The following LRFN5 variants were observed in gnomAD, a reference collection of about 807,000 sequenced individuals.
The protein encoded by LRFN5 is leucine rich repeat and fibronectin type III domain containing 5.
LRFN5 carries 24 observed loss-of-function variants against 45.6 expected under a neutral mutation model. The ratio of observed to expected loss-of-function variants is 0.53; its 90% CI spans 0.38 to 0.74. The LOEUF is 0.74. LRFN5 is among the 30% of genes least tolerant of loss of function. The pLI, the probability that LRFN5 is intolerant of heterozygous loss-of-function variation, is 0.00. For synonymous variants in LRFN5, 340 were observed against 313.8 expected (o/e 1.08, Z -0.88); for missense variants, 776 against 861.5 (o/e 0.90, Z 1.24).
chr14:41,766,726 A>T (rs1367573033), intron 1 of LRFN5, 128 bp from the exon 2 acceptor site: 1 of 152,244 alleles, frequency 6.6e-6, no homozygotes, highest in Non-Finnish European at 1.5e-5. Flanking sequence ...AATATATTTA[A>T]ATCATATTGC....
chr14:41,841,086 A>C (rs1272018302), intron 2 of LRFN5, among the ~76,000 whole-genome samples: 3 of 151,882 alleles, frequency 2.0e-5, no homozygotes, highest in East Asian at 1.9e-4. Context: ...GGAAAAAAAA[A>C]ACCACTTTTC....
intron 1 of LRFN5, among the ~76,000 whole-genome samples, chr14:41,702,959 C>G (rs1432939809): frequency 2.0e-5 from 3 of 152,046 alleles, no homozygotes; most frequent in Non-Finnish European, 2.9e-5. Flanking sequence ...CTTTTAAAAC[C>G]ATGGCACCCC....
chr14:41,690,244 AG>A (rs556413422), intron 1 of LRFN5, among the ~76,000 whole-genome samples: 86 of 152,260 alleles, frequency 5.6e-4, no homozygotes, highest in African/African-American at 1.5e-3. Flanking sequence ...TAAATACAAA[AG>A]TAAATAAAGA....
rs1594542100 is a variant in LRFN5, at chr14:41,607,219, C to T, written c.-1540C>T. Among the ~76,000 whole-genome samples the T allele has an allele frequency of 1.3e-5, 2 of 152,102 alleles. No individual in the cohort carries two copies. The highest frequency in any genetic ancestry group is 4.8e-5 in the African/African-American group (2 of 41,424). On this transcript the variant is annotated 5_prime_UTR_variant, in exon 1 of 6. Transcript: ENST00000298119. ...ATGTGAATTGTTTAGCAGCTGGCTG[C>T]TCCCTTAGGATCCTTGACTTTGGGG...
chr14:41,855,655 A>G (rs187681290), intron 2 of LRFN5, among the ~76,000 whole-genome samples: 1 of 152,308 alleles, frequency 6.6e-6, no homozygotes, highest in East Asian at 1.9e-4. Flanking sequence ...GTTCTTGCCT[A>G]CTAAGGAAAC....
At chr14:41,852,449 C>T (rs894817899) in intron 2 of LRFN5, among the ~76,000 whole-genome samples, 1 of 151,766 alleles carries the variant, frequency 6.6e-6, no homozygotes, top group African/African-American at 2.4e-5. Context: ...GCAGGTAGTT[C>T]AAAATTAGAT....
intron 1 of LRFN5, among the ~76,000 whole-genome samples, chr14:41,728,824 A>C (rs1884046481): frequency 6.6e-6 from 1 of 152,172 alleles, no homozygotes; most frequent in Admixed American, 6.6e-5. Flanking sequence ...CTTTGACAAA[A>C]ATGGCATCTT....
intron 2 of LRFN5, among the ~76,000 whole-genome samples, chr14:41,800,697 G>A (rs1177483784): frequency 2.0e-5 from 3 of 151,100 alleles, no homozygotes; most frequent in Non-Finnish European, 4.4e-5. Context: ...CAGCATACAC[G>A]GCAAATCAGA....
At chr14:41,618,853 C>T (rs1289868494) in intron 1 of LRFN5, among the ~76,000 whole-genome samples, 1 of 152,210 alleles carries the variant, frequency 6.6e-6, no homozygotes, top group African/African-American at 2.4e-5. Context: ...TCCATGGATT[C>T]ATATATTTTT....
intron 2 of LRFN5, among the ~76,000 whole-genome samples, chr14:41,794,684 A>G (rs889173853): frequency 3.9e-5 from 6 of 152,082 alleles, no homozygotes; most frequent in African/African-American, 1.2e-4. Context: ...CCTTTGGTAG[A>G]TAAAATAAAT....
chr14:41,710,998 A>G (rs1426232063), intron 1 of LRFN5, among the ~76,000 whole-genome samples: 2 of 132,186 alleles, frequency 1.5e-5, no homozygotes, highest in East Asian at 3.9e-4. Flanking sequence ...TGCATTTTTC[A>G]TCTGACTTGC....
intron 2 of LRFN5, among the ~76,000 whole-genome samples, chr14:41,851,352 T>C (rs185561278): frequency 1.3e-5 from 2 of 150,708 alleles, no homozygotes; most frequent in East Asian, 3.9e-4. Flanking sequence ...TTTTGAATAT[T>C]ATTATTAGAG....
intron 2 of LRFN5, among the ~76,000 whole-genome samples, chr14:41,840,363 T>C (rs1042073737): frequency 2.0e-5 from 3 of 152,060 alleles, no homozygotes; most frequent in African/African-American, 7.2e-5. Flanking sequence ...ATAAATACTA[T>C]TAGTGAAATG....
intron 1 of LRFN5, among the ~76,000 whole-genome samples, chr14:41,615,123 C>G (rs1201827031): frequency 6.6e-6 from 1 of 152,008 alleles, no homozygotes; most frequent in South Asian, 2.1e-4. Context: ...TGTAAGTTCT[C>G]CTGACATATA....
At chr14:41,752,384 G>C (rs577284003) in intron 1 of LRFN5, among the ~76,000 whole-genome samples, 7 of 152,194 alleles carry the variant, frequency 4.6e-5, no homozygotes, top group Non-Finnish European at 1.0e-4. Flanking sequence ...CCCACCAACA[G>C]TGTAAAAGTG....
intron 2 of LRFN5, among the ~76,000 whole-genome samples, chr14:41,872,027 A>G (rs1223242111): frequency 6.6e-6 from 1 of 152,188 alleles, no homozygotes; most frequent in Non-Finnish European, 1.5e-5. Context: ...GGTTTGAAAT[A>G]ATAATCTCTC....
At chr14:41,762,148 A>C (rs1013894404) in intron 1 of LRFN5, among the ~76,000 whole-genome samples, 2 of 151,912 alleles carry the variant, frequency 1.3e-5, no homozygotes, top group South Asian at 4.1e-4. Context: ...AAAAAAAAAA[A>C]AAAAAACCTT....
intron 2 of LRFN5, among the ~76,000 whole-genome samples, chr14:41,827,275 A>G (rs1403450191): frequency 3.3e-5 from 5 of 152,084 alleles, no homozygotes; most frequent in African/African-American, 7.2e-5. Flanking sequence ...ATAGCTATTA[A>G]AATGTAAGCT....
chr14:41,664,570 G>A (rs1350507103), intron 1 of LRFN5, among the ~76,000 whole-genome samples: 2 of 151,938 alleles, frequency 1.3e-5, no homozygotes, highest in Non-Finnish European at 2.9e-5. Flanking sequence ...GCTGAGATGG[G>A]AGGATTGCTT....
Sources: allele counts gnomAD v4.1 joint callset (sites outside exome capture counted in the v4.1 genomes callset), GRCh38; gene constraint gnomAD v4.1.1; transcripts MANE v1.5; gene names NCBI Gene and HGNC (gene_info 2026-07-23, HGNC 2026-07-21).